ADGRL2: variants seen among roughly 807,000 people sequenced by gnomAD.
ADGRL2 encodes the protein calcium-independent alpha-latrotoxin receptor 2.
ADGRL2 carries 44 observed loss-of-function variants against 157.4 expected under a neutral mutation model. That is an observed-to-expected ratio of 0.28 (90% CI 0.22 to 0.36). The LOEUF (loss-of-function observed/expected upper bound fraction) is 0.36, where lower values mean the gene tolerates loss of function less well. Among genes scored for constraint, ADGRL2 ranks in the 10% least tolerant of loss-of-function variants. ADGRL2 has a pLI of 1.00. For missense variants in ADGRL2, 1,510 were observed against 1,768.9 expected, an observed-to-expected ratio of 0.85 and a Z score of 2.63; for synonymous variants, 585 against 624.7, an observed-to-expected ratio of 0.94 and a Z score of 0.95.
chr1:81,554,465 T>C (rs183891962), intron 2 of ADGRL2, among the ~76,000 whole-genome samples: 158 of 151,958 alleles, frequency 1.0e-3, no homozygotes, highest in Middle Eastern at 6.8e-3. Context: ...TTTCCCCTCT[T>C]AGCTATTACT....
At position 81,986,878 on chromosome 1, in the gene ADGRL2, GTTGT is replaced by G; in HGVS notation, c.3509-20_3509-17del. 6.4e-7 allele frequency: 1 copy of G among 1,572,562 alleles called. No individual in the cohort carries two copies. The highest frequency in any genetic ancestry group is 1.4e-5 in the African/African-American group (1 of 71,300). ...CTGATGTACTTTTCTCTGTTTTTTTGTTGTTTTTTTTTTTTACTTTAGGAATGAC... is the reference window on the plus strand; with the variant it reads ...CTGATGTACTTTTCTCTGTTTTTTTGTTTTTTTTTTTACTTTAGGAATGAC... On this transcript the variant is annotated intron_variant, in intron 21 of 23. Coordinates refer to ENST00000686636, the MANE Select transcript of ADGRL2 (RefSeq NM_001366006.2).
chr1:81,387,975 C>T (rs974657236), intron 1 of ADGRL2, among the ~76,000 whole-genome samples: 4 of 151,994 alleles, frequency 2.6e-5, no homozygotes, highest in African/African-American at 4.8e-5. Context: ...ATTTCTCTGG[C>T]CTACCATCAT....
chr1:81,757,869 T>C (rs969346016), intron 1 of ADGRL2, among the ~76,000 whole-genome samples: 3 of 152,156 alleles, frequency 2.0e-5, no homozygotes, highest in Non-Finnish European at 2.9e-5. Context: ...GATTAGATAC[T>C]GTGCAAGACC....
At chr1:81,572,517 T>C (rs1053408602) in intron 2 of ADGRL2, among the ~76,000 whole-genome samples, 2 of 152,206 alleles carry the variant, frequency 1.3e-5, no homozygotes, top group Non-Finnish European at 2.9e-5. Flanking sequence ...TATCCAAGTA[T>C]ATTAACTTCA....
intron 11 of ADGRL2, among the ~76,000 whole-genome samples, chr1:81,956,444 CTCAG>C (rs147853493): frequency 0.021 from 3,141 of 152,140 alleles, 105 homozygotes; most frequent in African/African-American, 0.07. Flanking sequence ...GGAATGCATT[CTCAG>C]TCAGATATTT....
intron 1 of ADGRL2, among the ~76,000 whole-genome samples, chr1:81,341,747 A>G (rs1662091470): frequency 6.6e-6 from 1 of 152,126 alleles, no homozygotes; most frequent in Admixed American, 6.5e-5. Flanking sequence ...GGAGTTACAT[A>G]TATTTGTGTA....
chr1:81,986,840 C>T, intron 21 of ADGRL2, 61 bp from the exon 22 acceptor site: 1 of 1,549,288 alleles, frequency 6.5e-7, no homozygotes, highest in Non-Finnish European at 8.8e-7. Flanking sequence ...AACTGTAACA[C>T]TAAAATAAGA....
chr1:81,523,899 T>C (rs912914545), intron 2 of ADGRL2, among the ~76,000 whole-genome samples: 1 of 151,606 alleles, frequency 6.6e-6, no homozygotes, highest in Non-Finnish European at 1.5e-5. Context: ...TCGTCTCTAC[T>C]AAAAATACAA....
At chr1:81,477,399 C>T (rs186577460) in intron 2 of ADGRL2, among the ~76,000 whole-genome samples, 130 of 152,312 alleles carry the variant, frequency 8.5e-4, no homozygotes, top group African/African-American at 3.1e-3. Flanking sequence ...TCTGTTTCTA[C>T]AGAAAACAGG....
At chr1:81,803,282 A>C (rs2088581926) in intron 1 of ADGRL2, among the ~76,000 whole-genome samples, 1 of 151,966 alleles carries the variant, frequency 6.6e-6, no homozygotes, top group Admixed American at 6.5e-5. Context: ...CAAACCATGG[A>C]AGCGCCCCAG....
At chr1:81,948,240 G>T (rs1314593599) in intron 6 of ADGRL2, among the ~76,000 whole-genome samples, 1 of 140,266 alleles carries the variant, frequency 7.1e-6, no homozygotes, top group Non-Finnish European at 1.5e-5. Context: ...AAACAAAAAG[G>T]TGAAAAGGTA....
At chr1:81,411,496 T>C (rs1367259215) in intron 1 of ADGRL2, among the ~76,000 whole-genome samples, 1 of 152,180 alleles carries the variant, frequency 6.6e-6, no homozygotes, top group Non-Finnish European at 1.5e-5. Context: ...ATTAAGCAAC[T>C]TGCTAATGAC....
At chr1:81,425,542 C>G (rs2077197387) in intron 1 of ADGRL2, among the ~76,000 whole-genome samples, 1 of 152,186 alleles carries the variant, frequency 6.6e-6, no homozygotes, top group African/African-American at 2.4e-5. Flanking sequence ...ATGGCTGACA[C>G]TCCTATAACA....
chr1:81,723,728 C>A (rs1181479760), intron 1 of ADGRL2, among the ~76,000 whole-genome samples: 2 of 152,142 alleles, frequency 1.3e-5, no homozygotes, highest in Non-Finnish European at 2.9e-5. Flanking sequence ...TGGGTAGAGA[C>A]TGGAAGTACT....
intron 1 of ADGRL2, among the ~76,000 whole-genome samples, chr1:81,320,692 T>C (rs1378209973): frequency 6.6e-6 from 1 of 152,226 alleles, no homozygotes; most frequent in Non-Finnish European, 1.5e-5. Flanking sequence ...ATAATGGGCT[T>C]AAAATATTCA....
intron 1 of ADGRL2, among the ~76,000 whole-genome samples, chr1:81,417,388 T>C (rs1362186918): frequency 6.6e-6 from 1 of 152,222 alleles, no homozygotes; most frequent in African/African-American, 2.4e-5. Flanking sequence ...AAGGTGCTTT[T>C]TCTTTAATAC....
intron 2 of ADGRL2, among the ~76,000 whole-genome samples, chr1:81,568,890 T>C (rs919697749): frequency 3.3e-5 from 5 of 152,158 alleles, no homozygotes; most frequent in Non-Finnish European, 5.9e-5. Context: ...CTACTGTTAA[T>C]ACATAGTGTT....
intron 2 of ADGRL2, among the ~76,000 whole-genome samples, chr1:81,881,968 TC>T (rs1557837505): frequency 6.6e-6 from 1 of 152,116 alleles, no homozygotes; most frequent in Admixed American, 6.6e-5. Flanking sequence ...TCACACACCA[TC>T]CCCCCTTTTT....
At chr1:81,430,584 A>G (rs576699522) in intron 1 of ADGRL2, among the ~76,000 whole-genome samples, 1 of 152,298 alleles carries the variant, frequency 6.6e-6, no homozygotes, top group South Asian at 2.1e-4. Flanking sequence ...GCTGTCTTGT[A>G]TTCTGAGATG....
Sources: allele counts gnomAD v4.1 joint callset (sites outside exome capture counted in the v4.1 genomes callset), GRCh38; gene constraint gnomAD v4.1.1; transcripts MANE v1.5; gene names NCBI Gene and HGNC (gene_info 2026-07-23, HGNC 2026-07-21).